AGBL1: variants seen among roughly 807,000 people sequenced by gnomAD.
AGBL1 encodes AGBL carboxypeptidase 1.
A neutral mutation model predicts 118.9 loss-of-function variants in AGBL1; 130 were observed. The observed-to-expected ratio is 1.09, with a 90% confidence interval of 0.95 to 1.26. The LOEUF (loss-of-function observed/expected upper bound fraction) is 1.26. Among genes scored for constraint, AGBL1 ranks in the 50% most tolerant of loss-of-function variants. The pLI, the probability that AGBL1 is intolerant of heterozygous loss-of-function variation, is 0.00. For missense variants in AGBL1, 1,584 were observed against 1,298.1 expected (o/e 1.22, Z -3.38); for synonymous variants, 555 against 478.9 (o/e 1.16, Z -2.08).
At chr15:86,236,934 G>GGT (rs1376270693) in intron 6 of AGBL1, among the ~76,000 whole-genome samples, 1 of 45,880 alleles carries the variant, frequency 2.2e-5, no homozygotes, top group African/African-American at 6.2e-5. Context: ...TATGTGGGCG[G>GGT]GGGGGGGCGG....
At chr15:86,569,072 G>A (rs2142305874) in intron 21 of AGBL1, among the ~76,000 whole-genome samples, 1 of 151,874 alleles carries the variant, frequency 6.6e-6, no homozygotes, top group South Asian at 2.1e-4. Context: ...TGGAAAAGAG[G>A]ACAATTTTCC....
At chr15:86,403,826 C>A (rs564040940) in intron 18 of AGBL1, among the ~76,000 whole-genome samples, 11 of 152,262 alleles carry the variant, frequency 7.2e-5, no homozygotes, top group Admixed American at 2.0e-4. Context: ...AATGTAAGAA[C>A]CTTAACATGT....
intron 17 of AGBL1, among the ~76,000 whole-genome samples, chr15:86,360,479 T>C (rs189057576): frequency 3.8e-4 from 58 of 152,088 alleles, no homozygotes; most frequent in Admixed American, 3.3e-3. Context: ...TAAAAATCTA[T>C]GTTCATCAGG....
intron 6 of AGBL1, among the ~76,000 whole-genome samples, chr15:86,226,035 A>G (rs10520615): frequency 0.28 from 42,402 of 151,952 alleles, 6,907 homozygotes; most frequent in Admixed American, 0.39. Context: ...ATAACTTGAG[A>G]TAACTTGATA....
At chr15:86,633,235 AG>A in intron 21 of AGBL1, among the ~76,000 whole-genome samples, 2 of 152,344 alleles carry the variant, frequency 1.3e-5, no homozygotes, top group South Asian at 4.1e-4. Context: ...ATGAATGGAT[AG>A]AACTTAGGTG....
intron 5 of AGBL1, among the ~76,000 whole-genome samples, chr15:86,188,392 A>C (rs538527452): frequency 1.1e-4 from 16 of 151,922 alleles, no homozygotes; most frequent in Non-Finnish European, 2.4e-4. Flanking sequence ...ATTTTAATGG[A>C]GCTATAGAAA....
At position 86,264,310 on chromosome 15, in the gene AGBL1, C is replaced by T; in HGVS notation, c.1139C>T (p.Ala380Val). ...TTGAACTCTGAAAAGACTCAGTATG[C>T]CAATCACCACCACATTCCAGCCGCT... ...DDLNSEKTQY[A>V]NHHHIPAAAS... Residue 380 changes from alanine to valine, a missense_variant, in exon 11 of 23, where the codon GCC becomes GTC. Transcript: ENST00000614907. The T allele has an allele frequency of 6.2e-7, 1 of 1,610,140 alleles. No individual in the cohort carries two copies. Among genetic ancestry groups the T allele is most frequent in the Non-Finnish European group, 8.5e-7 (1 of 1,178,166 alleles).
chr15:86,462,032 A>G (rs2082340503), intron 18 of AGBL1, among the ~76,000 whole-genome samples: 1 of 152,128 alleles, frequency 6.6e-6, no homozygotes, highest in African/African-American at 2.4e-5. Flanking sequence ...ACAATTACTT[A>G]CAAACTATGA....
intron 18 of AGBL1, among the ~76,000 whole-genome samples, chr15:86,509,245 T>A (rs948991080): frequency 6.6e-6 from 1 of 152,052 alleles, no homozygotes; most frequent in African/African-American, 2.4e-5. Context: ...GGGCGAGGCT[T>A]GATAAGTTTC....
chr15:86,694,435 A>G (rs2142617545), intron 22 of AGBL1, among the ~76,000 whole-genome samples: 1 of 152,132 alleles, frequency 6.6e-6, no homozygotes, highest in African/African-American at 2.4e-5. Context: ...TGATTTGTGT[A>G]CATTAATTTT....
intron 22 of AGBL1, among the ~76,000 whole-genome samples, chr15:86,838,509 C>T (rs567099842): frequency 6.6e-5 from 10 of 152,194 alleles, no homozygotes; most frequent in Middle Eastern, 6.8e-3. Context: ...ACTGTCTGTC[C>T]GTGGTGACAT....
intron 5 of AGBL1, among the ~76,000 whole-genome samples, chr15:86,181,545 TAAAGAAGA>T (rs2077553216): frequency 6.6e-6 from 1 of 151,898 alleles, no homozygotes; most frequent in South Asian, 2.1e-4. Context: ...GGAGGGATTA[TAAAGAAGA>T]ATGAGGAAAA....
At chr15:86,547,322 T>C (rs2083596848) in intron 20 of AGBL1, among the ~76,000 whole-genome samples, 1 of 152,170 alleles carries the variant, frequency 6.6e-6, no homozygotes, top group African/African-American at 2.4e-5. Flanking sequence ...AAATCTACCA[T>C]GGTCCAATCT....
chr15:86,298,380 T>A lies in AGBL1; in HGVS notation c.2374+2972T>A, dbSNP rs188436299. 4.4e-3 allele frequency among the ~76,000 whole-genome samples: 591 copies of A among 134,526 alleles called. 2 individuals are homozygous for A. Among genetic ancestry groups the A allele is most frequent in the Non-Finnish European group, 7.2e-3 (452 of 62,578 alleles). 88.3% of individuals were successfully genotyped at this position (134,526 alleles called of 152,430 possible). On this transcript the variant is annotated intron_variant, in intron 17 of 22. Transcript: ENST00000614907. ...TTCTTATATATATATGAATATATTC[T>A]TATATATATATGAATATATAAACAC...
At chr15:86,598,500 C>A (rs1159665207) in intron 21 of AGBL1, among the ~76,000 whole-genome samples, 4 of 152,006 alleles carry the variant, frequency 2.6e-5, no homozygotes, top group Non-Finnish European at 5.9e-5. Flanking sequence ...TAGAAGCCAC[C>A]ACGACTAGCC....
chr15:86,233,978 T>C (rs747328079), intron 6 of AGBL1, among the ~76,000 whole-genome samples: 1 of 152,158 alleles, frequency 6.6e-6, no homozygotes, highest in Non-Finnish European at 1.5e-5. Flanking sequence ...GTGTTGAGTT[T>C]TTCTTGTTTG....
chr15:86,701,381 A>G (rs1368566849), intron 22 of AGBL1, among the ~76,000 whole-genome samples: 5 of 152,108 alleles, frequency 3.3e-5, no homozygotes, highest in Non-Finnish European at 7.4e-5. Flanking sequence ...AGAATTGTTA[A>G]TAATTCTGGA....
chr15:86,554,603 TC>T, intron 21 of AGBL1, 66 bp downstream of exon 21: 8 of 1,345,756 alleles, frequency 5.9e-6, no homozygotes, highest in Non-Finnish European at 5.8e-6. Flanking sequence ...TATAGACAGC[TC>T]GTACCTGCTT....
At chr15:86,080,806 A>G (rs944427792) in intron 1 of AGBL1, among the ~76,000 whole-genome samples, 2 of 152,030 alleles carry the variant, frequency 1.3e-5, no homozygotes, top group Non-Finnish European at 2.9e-5. Context: ...GCTGAGAACC[A>G]CTACTCTCTA....
Sources: allele counts gnomAD v4.1 joint callset (sites outside exome capture counted in the v4.1 genomes callset), GRCh38; gene constraint gnomAD v4.1.1; transcripts MANE v1.5; gene names NCBI Gene and HGNC (gene_info 2026-07-23, HGNC 2026-07-21).